The following FAP variants were observed in gnomAD, a reference collection of about 807,000 sequenced individuals.
The protein encoded by FAP is prolyl endopeptidase FAP.
A neutral mutation model predicts 126.5 loss-of-function variants in FAP; 110 were observed. That is an observed-to-expected ratio of 0.87 (90% CI 0.74 to 1.02). The LOEUF is 1.02. Among genes scored for constraint, FAP ranks in the 50% least tolerant of loss-of-function variants. The pLI, the probability that FAP is intolerant of heterozygous loss-of-function variation, is 0.00. For missense variants in FAP, 919 were observed against 909.2 expected, an observed-to-expected ratio of 1.01 and a Z score of -0.14; for synonymous variants, 334 against 297.3, an observed-to-expected ratio of 1.12 and a Z score of -1.27.
At chr2:162,221,201 T>TG (rs1689378268) in intron 6 of FAP, among the ~76,000 whole-genome samples, 1 of 152,094 alleles carries the variant, frequency 6.6e-6, no homozygotes, top group African/African-American at 2.4e-5. Context: ...ACCAGGCCCC[T>TG]GGGTGATCGG....
At chr2:162,190,648 C>T (rs1576147963) in intron 17 of FAP, among the ~76,000 whole-genome samples, 1 of 151,972 alleles carries the variant, frequency 6.6e-6, no homozygotes, top group East Asian at 1.9e-4. Flanking sequence ...GAAAAGTTAG[C>T]CTTTCAAATA....
intron 3 of FAP, among the ~76,000 whole-genome samples, chr2:162,225,808 C>A (rs530005879): frequency 1.3e-5 from 2 of 152,138 alleles, no homozygotes; most frequent in African/African-American, 4.8e-5. Context: ...CTATTTTAGC[C>A]GATTCAGGGT....
chr2:162,205,585 C>T lies in FAP; in HGVS notation c.1048-2440G>A, dbSNP rs112301363. Among the ~76,000 whole-genome samples, 189 of 152,034 alleles carry T rather than the reference C, an allele frequency of 1.2e-3. 2 individuals are homozygous for T. Among genetic ancestry groups the T allele is most frequent in the African/African-American group, 4.2e-3 (173 of 41,444 alleles). On this transcript the variant is annotated intron_variant, in intron 12 of 25. Transcript: ENST00000188790. ...TGGAGTGCAAATAGCGTGGTCTTGG[C>T]TCATCACAACCTCTGTCGCCCGGGC...
intron 20 of FAP, among the ~76,000 whole-genome samples, chr2:162,184,429 T>C (rs1055327211): frequency 6.6e-6 from 1 of 152,232 alleles, no homozygotes; most frequent in Non-Finnish European, 1.5e-5. Context: ...AACTGAGTGA[T>C]TTTCATTACT....
chr2:162,189,632 T>C, intron 18 of FAP, 24 bp downstream of exon 18: 1 of 1,303,976 alleles, frequency 7.7e-7, no homozygotes, highest in Non-Finnish European at 1.1e-6. Context: ...TATCTATAAA[T>C]GAGAAGTTTT....
chr2:162,219,747 G>T, intron 7 of FAP, 106 bp downstream of exon 7: 1 of 775,812 alleles, frequency 1.3e-6, no homozygotes, highest in South Asian at 1.6e-5. Context: ...AAATAGTCAT[G>T]AATGTATTTT....
Position 162,226,432 on chromosome 2 carries a change from G to A in FAP, c.190+91C>T, listed in dbSNP as rs73012935. 2,398 of 585,098 alleles carry A rather than the reference G, an allele frequency of 4.1e-3. 37 individuals are homozygous for A. The African/African-American group carries it at 0.042, about 10-fold the overall frequency. 36.2% of individuals were successfully genotyped at this position (585,098 alleles called of 1,614,324 possible). A position where few individuals can be genotyped will look rare whatever the true frequency, so the allele number is the denominator to read the frequency against. ...TCTTTTTGTACATTTCAACTGATAC[G>A]GCTTCAGTTACTATAGAGATGTATT... On this transcript the variant is annotated intron_variant, in intron 3 of 25. Transcript: ENST00000188790.
chr2:162,237,267 G>T (rs991989840), intron 2 of FAP, among the ~76,000 whole-genome samples: 1 of 152,090 alleles, frequency 6.6e-6, no homozygotes, highest in African/African-American at 2.4e-5. Flanking sequence ...TTTGCAGGAC[G>T]TGCAGGTTTG....
At chr2:162,186,572 G>T (rs1477690813) in intron 20 of FAP, among the ~76,000 whole-genome samples, 5 of 152,032 alleles carry the variant, frequency 3.3e-5, no homozygotes. Flanking sequence ...TTACTGGTGG[G>T]TTGCGATGAT....
Position 162,215,955 on chromosome 2 carries a change from G to A in FAP, c.809C>T (p.Thr270Ile), listed in dbSNP as rs781069166. The A allele has an allele frequency of 1.2e-6, 2 of 1,614,110 alleles. No individual in the cohort carries two copies. Among genetic ancestry groups the A allele is most frequent in the Admixed American group, 1.7e-5 (1 of 60,020 alleles). ...PVVRIFIIDTTYPAYVGPQEV... is the reference protein window; with the variant it reads ...PVVRIFIIDTIYPAYVGPQEV... The stretch of plus-strand genomic sequence containing the variant: ...CTGGGGACCTACATACGCAGGGTAA[G>A]TGGTATCGATAATAAATATCCGAAC... The change falls in exon 10 of 26, where the codon ACT becomes ATT. Residue 270 changes from threonine (T) to isoleucine (I), a missense_variant. Coordinates refer to ENST00000188790, the MANE Select transcript of FAP (RefSeq NM_004460.5).
At chr2:162,235,888 A>C (rs896031122) in intron 2 of FAP, among the ~76,000 whole-genome samples, 27 of 152,166 alleles carry the variant, frequency 1.8e-4, no homozygotes, top group African/African-American at 6.5e-4. Context: ...CCAAGAACCC[A>C]CCAATTCCGG....
intron 4 of FAP, 75 bp downstream of exon 4, chr2:162,225,408 A>G (rs1172167044): frequency 1.3e-6 from 2 of 1,541,882 alleles, no homozygotes; most frequent in Non-Finnish European, 1.8e-6. Flanking sequence ...AGGTGCTAAG[A>G]CTTTGAACTC....
At chr2:162,192,830 C>G (rs544546504) in intron 17 of FAP, among the ~76,000 whole-genome samples, 1 of 152,256 alleles carries the variant, frequency 6.6e-6, no homozygotes, top group South Asian at 2.1e-4. Flanking sequence ...GCATTATCAC[C>G]TACTTCATAT....
chr2:162,207,877 A>AT (rs1346455078), intron 12 of FAP, among the ~76,000 whole-genome samples: 1 of 151,012 alleles, frequency 6.6e-6, no homozygotes, highest in East Asian at 2.0e-4. Flanking sequence ...TGCCCGGCTA[A>AT]TTTTTTTGTA....
At chr2:162,225,279 G>C (rs1689589463) in intron 4 of FAP, among the ~76,000 whole-genome samples, 1 of 152,108 alleles carries the variant, frequency 6.6e-6, no homozygotes. Context: ...TATTCAAAGA[G>C]GAGGAAAGAT....
At chr2:162,194,210 G>A (rs1225661651) in intron 17 of FAP, 1 of 151,974 alleles carries the variant, frequency 6.6e-6, no homozygotes, top group African/African-American at 2.4e-5. Context: ...TGGTGTGACA[G>A]TCACCCTCTG....
At chr2:162,209,789 G>C (rs144140014) in intron 12 of FAP, 163 bp downstream of exon 12, 3 of 576,528 alleles carry the variant, frequency 5.2e-6, no homozygotes, top group African/African-American at 3.8e-5. Flanking sequence ...GAAATTGTCC[G>C]GCACAAAATC....
chr2:162,175,080 A>T, intron 21 of FAP, 114 bp from the exon 22 acceptor site: 1 of 677,730 alleles, frequency 1.5e-6, no homozygotes, highest in Non-Finnish European at 2.6e-6. Context: ...GAATATGGCT[A>T]AGGGTGGATT....
chr2:162,176,417 T>C (rs1031628278), intron 21 of FAP: 4 of 152,192 alleles, frequency 2.6e-5, no homozygotes, highest in Non-Finnish European at 5.9e-5. Context: ...CTTTTTATTA[T>C]ACTTGGAGGA....
Sources: gnomAD v4.1 joint callset for allele counts (sites outside exome capture counted in the v4.1 genomes callset) on GRCh38, gnomAD v4.1.1 for gene constraint, MANE v1.5 for transcripts, NCBI Gene and HGNC (gene_info 2026-07-23, HGNC 2026-07-21) for gene names.